RFTN1: variants seen among roughly 807,000 people sequenced by gnomAD.
RFTN1 encodes raftlin.
RFTN1 carries 26 observed loss-of-function variants against 46.5 expected under a neutral mutation model. The ratio of observed to expected loss-of-function variants is 0.56; its 90% CI spans 0.41 to 0.78. The LOEUF (loss-of-function observed/expected upper bound fraction) is 0.78. Among genes scored for constraint, RFTN1 ranks in the 30% least tolerant of loss-of-function variants. The pLI, the probability that RFTN1 is intolerant of heterozygous loss-of-function variation, is 0.00. For synonymous variants in RFTN1, 261 were observed against 284.2 expected (o/e 0.92, Z 0.82); for missense variants, 693 against 718.7 (o/e 0.96, Z 0.41).
At chr3:16,366,024 G>A (rs2073145638) in intron 6 of RFTN1, among the ~76,000 whole-genome samples, 1 of 152,224 alleles carries the variant, frequency 6.6e-6, no homozygotes, top group African/African-American at 2.4e-5. Context: ...GGGTAGGAAA[G>A]GGCAAGCACA....
chr3:16,352,822 G>T lies in RFTN1; in HGVS notation c.1146+5110C>A, dbSNP rs1157216172. Among the ~76,000 whole-genome samples, 1 of 152,222 alleles carries T rather than the reference G, an allele frequency of 6.6e-6. No homozygotes were observed. The highest frequency in any genetic ancestry group is 1.5e-5 in the Non-Finnish European group (1 of 68,044). On this transcript the variant is annotated intron_variant, in intron 7 of 9. Coordinates refer to ENST00000334133, the MANE Select transcript of RFTN1 (RefSeq NM_015150.2). The surrounding 1 kb of genome is among the most constrained non-coding windows in gnomAD (Gnocchi z 4.6). ...ATACAACTGAAAATAGAAAAAGCAG[G>T]TGTGGTTTACTTTTCACATAGTCTG...
At chr3:16,485,071 G>A (rs976081017) in intron 2 of RFTN1, among the ~76,000 whole-genome samples, 4 of 152,102 alleles carry the variant, frequency 2.6e-5, no homozygotes, top group African/African-American at 9.7e-5. Flanking sequence ...ATCTTATAAA[G>A]GTAAACATGT....
At chr3:16,371,008 G>T (rs1427325875) in intron 5 of RFTN1, 8 of 152,160 alleles carry the variant, frequency 5.3e-5, no homozygotes, top group Non-Finnish European at 1.0e-4. Context: ...CGTGCAGCTG[G>T]GCGTGGCTTA....
chr3:16,456,049 G>A (rs2075899875), intron 2 of RFTN1, among the ~76,000 whole-genome samples: 1 of 134,358 alleles, frequency 7.4e-6, no homozygotes, highest in African/African-American at 2.8e-5. Context: ...CTGTGATCAA[G>A]GACAGCAAAT....
rs1314608315 is a variant in RFTN1 at position 16,360,506 on chromosome 3, A to G, written c.1031-2459T>C. ...TGAAAAGAAAATTTTCACTGCTGGT[A>G]AAGGTATGGTGATATGCAAAAGTTT... On this transcript the variant is annotated intron_variant, in intron 6 of 9. Coordinates refer to ENST00000334133, the MANE Select transcript of RFTN1 (RefSeq NM_015150.2). Among the ~76,000 whole-genome samples the G allele has an allele frequency of 9.2e-5, 14 of 152,212 alleles. No individual in the cohort carries two copies. In the East Asian group the frequency reaches 2.7e-3, roughly 29 times the overall value.
Position 16,480,524 on chromosome 3 carries a change from C to T in RFTN1, c.145+13201G>A, listed in dbSNP as rs769946110. Among the ~76,000 whole-genome samples the T allele has an allele frequency of 6.6e-6, 1 of 152,140 alleles. No homozygotes were observed. Among genetic ancestry groups the T allele is most frequent in the Non-Finnish European group, 1.5e-5 (1 of 68,028 alleles). On this transcript the variant is annotated intron_variant, in intron 2 of 9. Transcript: ENST00000334133. This position sits in a 1 kb window ranked among gnomAD's most constrained non-coding sequence, Gnocchi z 4.3. ...TGACCTGTAAACAAAGAAGAGTATG[C>T]CTGAAACACAGAACTGAGGAAATGA... is the stretch of plus-strand genomic sequence containing the variant.
chr3:16,341,796 A>G lies in RFTN1; in HGVS notation c.1147-14920T>C, dbSNP rs1049883800. On this transcript the variant is annotated intron_variant, in intron 7 of 9. Transcript: ENST00000334133. The surrounding 1 kb of genome is among the most constrained non-coding windows in gnomAD (Gnocchi z 4.7). Reference sequence around the variant, plus strand: ...TTACAAATAATGAAGTAAAAGCCTAATAACAGAAACATTTTCAGCATACAG... The same window carrying G: ...TTACAAATAATGAAGTAAAAGCCTAGTAACAGAAACATTTTCAGCATACAG... Among the ~76,000 whole-genome samples the G allele has an allele frequency of 3.9e-5, 6 of 152,244 alleles. No homozygotes were observed. Among genetic ancestry groups the G allele is most frequent in the African/African-American group, 1.4e-4 (6 of 41,476 alleles).
At chr3:16,444,724 G>A (rs1048567442) in intron 2 of RFTN1, among the ~76,000 whole-genome samples, 7 of 152,332 alleles carry the variant, frequency 4.6e-5, no homozygotes, top group Non-Finnish European at 8.8e-5. Flanking sequence ...AGCACTTGGC[G>A]AGCCCACCAA....
chr3:16,485,028 TA>T (rs2076425028), intron 2 of RFTN1, among the ~76,000 whole-genome samples: 1 of 152,204 alleles, frequency 6.6e-6, no homozygotes, highest in African/African-American at 2.4e-5. Context: ...AAATGTAAAA[TA>T]GAACAAACAC....
intron 7 of RFTN1, among the ~76,000 whole-genome samples, chr3:16,343,656 A>G (rs184893026): frequency 6.6e-6 from 1 of 152,370 alleles, no homozygotes; most frequent in Admixed American, 6.5e-5. Flanking sequence ...AAATTTGGTC[A>G]AAGATATCTG....
In RFTN1 at chr3:16,377,612, T is replaced by TA. The variant is rs1267771828; in HGVS notation, c.826+105dup. On this transcript the variant is annotated intron_variant, in intron 5 of 9. Transcript: ENST00000334133. ...CTCCTGTTTGATGGACTGCTGTCTC[T>TA]ACACTCTAAATTCCATTCCTTTTTC... The TA allele has an allele frequency of 8.7e-6, 13 of 1,493,330 alleles. 1 individual carries two copies. The highest frequency in any genetic ancestry group is 1.1e-5 in the Non-Finnish European group (12 of 1,122,420). The allele number at this position is 1,493,330 out of a possible 1,614,324, so 92.5% of individuals were successfully genotyped here. A position where few individuals can be genotyped will look rare whatever the true frequency, so the allele number is the denominator to read the frequency against.
Position 16,370,152 on chromosome 3 carries a change from C to T in RFTN1, c.954G>A (p.Trp318Ter), listed in dbSNP as rs375793130. ...GGAAGTGGTCGCTCATGTGCTCTAA[C>T]CAGTTGGCGTCCAAACCGCTCACTG... ...GQTVSGLDANWLEHMSDHFRK... is the reference protein window; with the variant it reads ...GQTVSGLDAN Residue 318 changes from tryptophan (W) to a stop codon, truncating the protein, a stop_gained, in exon 6 of 10, where the codon TGG (tryptophan) becomes TGA (stop). Coordinates refer to ENST00000334133, the MANE Select transcript of RFTN1 (RefSeq NM_015150.2). LOFTEE classifies it high-confidence loss of function. The surrounding 1 kb of genome is among the most constrained non-coding windows in gnomAD (Gnocchi z 5.5). The T allele has an allele frequency of 1.9e-6, 3 of 1,614,120 alleles. No individual in the cohort carries two copies. Among genetic ancestry groups the T allele is most frequent in the Non-Finnish European group, 2.5e-6 (3 of 1,180,048 alleles).
At chr3:16,396,297 A>T (rs999704359) in intron 4 of RFTN1, among the ~76,000 whole-genome samples, 11 of 152,166 alleles carry the variant, frequency 7.2e-5, no homozygotes, top group Admixed American at 5.9e-4. Context: ...ATTAAAAAAA[A>T]TTTTTTTTAG....
intron 2 of RFTN1, chr3:16,454,778 C>T: frequency 1.0e-6 from 1 of 985,402 alleles, no homozygotes; most frequent in Non-Finnish European, 1.2e-6. Context: ...TAGCACTCAC[C>T]ATCACAGTTT....
At chr3:16,394,102 T>C (rs1194065553) in intron 4 of RFTN1, among the ~76,000 whole-genome samples, 1 of 152,108 alleles carries the variant, frequency 6.6e-6, no homozygotes, top group Non-Finnish European at 1.5e-5. Flanking sequence ...CATCATGGCT[T>C]ATACCTGTAA....
At chr3:16,423,377 T>C (rs1188008053) in intron 3 of RFTN1, among the ~76,000 whole-genome samples, 1 of 152,120 alleles carries the variant, frequency 6.6e-6, no homozygotes, top group African/African-American at 2.4e-5. Context: ...CCACACACAA[T>C]TGTCTGATCC....
chr3:16,408,330 G>A (rs1001663636), intron 4 of RFTN1, among the ~76,000 whole-genome samples: 4 of 152,116 alleles, frequency 2.6e-5, no homozygotes, highest in Non-Finnish European at 5.9e-5. Context: ...TCACTAGTTC[G>A]GCTGTTTTAT....
In RFTN1 at chr3:16,485,725, A is replaced by G. The variant is rs571836552; in HGVS notation, c.145+8000T>C. Among the ~76,000 whole-genome samples the G allele has an allele frequency of 3.9e-5, 6 of 152,368 alleles. 1 individual carries two copies. In the East Asian group the frequency reaches 1.2e-3, roughly 29 times the overall value. ...TCTACAAATGTTTACACCTATCAGA[A>G]CTCATCACCCAGGCACTTCATATGG... On this transcript the variant is annotated intron_variant, in intron 2 of 9. Coordinates refer to ENST00000334133, the MANE Select transcript of RFTN1 (RefSeq NM_015150.2).
chr3:16,349,191 G>A (rs777812358), intron 7 of RFTN1: 29 of 152,166 alleles, frequency 1.9e-4, no homozygotes, highest in African/African-American at 2.9e-4. Context: ...GAGTACTAGC[G>A]GCCATCTCCA....
Sources: gnomAD v4.1 joint callset for allele counts (sites outside exome capture counted in the v4.1 genomes callset) on GRCh38, gnomAD v4.1.1 for gene constraint, Gnocchi (gnomAD v3.1) non-coding constraint, MANE v1.5 for transcripts, NCBI Gene and HGNC (gene_info 2026-07-23, HGNC 2026-07-21) for gene names.